Variants in AGXT2 observed in about 807,000 individuals in gnomAD.
The protein encoded by AGXT2 is alanine--glyoxylate aminotransferase 2, mitochondrial.
In AGXT2, 61 loss-of-function variants were observed where a neutral mutation model predicts 62.5. The observed-to-expected ratio is 0.98, with a 90% CI of 0.79 to 1.21. The LOEUF is 1.21. Ranked by LOEUF, AGXT2 falls within the 50% of genes most tolerant of loss-of-function variation. The pLI is 0.00. For synonymous variants in AGXT2, 243 were observed against 218.7 expected (o/e 1.11, Z -0.98); for missense variants, 666 against 641.5 (o/e 1.04, Z -0.41).
intron 9 of AGXT2, among the ~76,000 whole-genome samples, chr5:35,023,208 T>C (rs1054392006): frequency 1.3e-5 from 2 of 151,810 alleles, no homozygotes; most frequent in Non-Finnish European, 2.9e-5. Flanking sequence ...GAAAAACCTC[T>C]TTTTCTTTAT....
chr5:35,018,800 C>A (rs1766951102), intron 9 of AGXT2, among the ~76,000 whole-genome samples: 2 of 141,306 alleles, frequency 1.4e-5, no homozygotes, highest in Admixed American at 1.4e-4. Context: ...AGAGTCAAGA[C>A]CCATCAGTGT....
chr5:35,034,858 G>A (rs1408569517), intron 5 of AGXT2, among the ~76,000 whole-genome samples: 1 of 152,110 alleles, frequency 6.6e-6, no homozygotes, highest in African/African-American at 2.4e-5. Flanking sequence ...TTTTGGTAGA[G>A]CCTTGATCTT....
intron 13 of AGXT2, 79 bp downstream of exon 13, chr5:35,003,684 T>C (rs779807339): frequency 1.5e-6 from 2 of 1,368,864 alleles, no homozygotes; most frequent in Non-Finnish European, 2.1e-6. Context: ...TTCACAGCTG[T>C]GAAGAAACTG....
At chr5:35,026,951 C>T in intron 7 of AGXT2, 2 of 984,668 alleles carry the variant, frequency 2.0e-6, no homozygotes, top group Non-Finnish European at 2.4e-6. Context: ...CGTTTTAAAG[C>T]TACAAAGTGT....
At chr5:35,032,378 A>G (rs917563116) in intron 7 of AGXT2, among the ~76,000 whole-genome samples, 1 of 152,152 alleles carries the variant, frequency 6.6e-6, no homozygotes, top group Non-Finnish European at 1.5e-5. Flanking sequence ...CAGGCATGCC[A>G]CCACGCCCAG....
chr5:35,002,787 A>G (rs1580566300), intron 13 of AGXT2, among the ~76,000 whole-genome samples: 1 of 145,126 alleles, frequency 6.9e-6, no homozygotes, highest in African/African-American at 2.6e-5. Flanking sequence ...GGGGGGGGGG[A>G]CTAACACGGG....
chr5:35,031,196 A>G (rs929194942), intron 7 of AGXT2, among the ~76,000 whole-genome samples: 1 of 152,212 alleles, frequency 6.6e-6, no homozygotes, highest in Non-Finnish European at 1.5e-5. Flanking sequence ...TGGAGTCAGA[A>G]GACCTGGGGT....
chr5:35,035,881 A>G (rs1195590730), intron 4 of AGXT2, among the ~76,000 whole-genome samples: 14 of 152,178 alleles, frequency 9.2e-5, no homozygotes, highest in African/African-American at 3.4e-4. Context: ...GTTTGAGATC[A>G]GCCTGGCCAT....
intron 10 of AGXT2, among the ~76,000 whole-genome samples, chr5:35,013,331 G>C (rs1028069979): frequency 6.6e-6 from 1 of 152,160 alleles, no homozygotes; most frequent in Non-Finnish European, 1.5e-5. Flanking sequence ...CCAAGGAACT[G>C]GTTTTCTTAT....
intron 1 of AGXT2, among the ~76,000 whole-genome samples, chr5:35,041,572 G>A (rs545871507): frequency 3.2e-4 from 48 of 152,264 alleles, no homozygotes; most frequent in African/African-American, 1.2e-3. Flanking sequence ...AGAGCTGGAA[G>A]AGTTGTCTAG....
At position 35,005,217 on chromosome 5, in the gene AGXT2, T is replaced by G. The variant is rs183046288; in HGVS notation, c.1339-1356A>C. 2.5e-4 allele frequency among the ~76,000 whole-genome samples: 38 copies of G among 152,008 alleles called. No homozygotes were observed. The East Asian group carries it at 4.8e-3, about 19-fold the overall frequency. ...AGGTTGGGTTGGGGGGGTCAGTTCTTTTGTTGTTGTTGTTGTTGTTTTGTT... is the reference window on the plus strand; with the variant it reads ...AGGTTGGGTTGGGGGGGTCAGTTCTGTTGTTGTTGTTGTTGTTGTTTTGTT... On this transcript the variant is annotated intron_variant, in intron 12 of 13. Transcript: ENST00000231420.
chr5:35,012,722 T>C (rs930134155), intron 11 of AGXT2: 1 of 518,606 alleles, frequency 1.9e-6, no homozygotes, highest in Non-Finnish European at 3.5e-6. Context: ...ATATTTCCCA[T>C]GTATGTGAGG....
intron 7 of AGXT2, among the ~76,000 whole-genome samples, chr5:35,031,974 A>T (rs528473757): frequency 1.7e-5 from 2 of 115,124 alleles, no homozygotes; most frequent in East Asian, 3.2e-4. Flanking sequence ...TTTTTTTGAG[A>T]TGGAGTCTTG....
At chr5:35,033,024 G>A (rs1767630658) in intron 6 of AGXT2, 199 bp from the exon 7 acceptor site, 1 of 586,024 alleles carries the variant, frequency 1.7e-6, no homozygotes, top group Non-Finnish European at 3.1e-6. Flanking sequence ...CCTCTACAAA[G>A]GAAACTGATT....
chr5:35,029,818 C>A (rs1458716675), intron 7 of AGXT2, among the ~76,000 whole-genome samples: 3 of 152,060 alleles, frequency 2.0e-5, no homozygotes, highest in Non-Finnish European at 4.4e-5. Context: ...CTGGAATGAA[C>A]CCCTGGGGAA....
At chr5:34,999,101 C>T (rs899932888) in intron 13 of AGXT2, among the ~76,000 whole-genome samples, 2 of 152,158 alleles carry the variant, frequency 1.3e-5, no homozygotes, top group South Asian at 2.1e-4. Flanking sequence ...TTAGGCCCCT[C>T]GCTATACTCC....
intron 13 of AGXT2, among the ~76,000 whole-genome samples, chr5:35,001,164 T>C (rs1247447819): frequency 6.6e-6 from 1 of 152,158 alleles, no homozygotes; most frequent in Non-Finnish European, 1.5e-5. Context: ...TATCAGGAGG[T>C]AACCCCACTA....
chr5:35,002,106 G>C (rs1026037130), intron 13 of AGXT2, among the ~76,000 whole-genome samples: 3 of 152,112 alleles, frequency 2.0e-5, no homozygotes, highest in Admixed American at 1.3e-4. Flanking sequence ...AGCTAAGCAA[G>C]TACACAAGTA....
chr5:35,028,812 G>A (rs942686213), intron 7 of AGXT2, among the ~76,000 whole-genome samples: 1 of 152,174 alleles, frequency 6.6e-6, no homozygotes, highest in Non-Finnish European at 1.5e-5. Context: ...GCCTCAACCC[G>A]AGTGACAGTG....
Sources: gnomAD v4.1 joint callset for allele counts (sites outside exome capture counted in the v4.1 genomes callset) on GRCh38, gnomAD v4.1.1 for gene constraint, MANE v1.5 for transcripts, NCBI Gene and HGNC (gene_info 2026-07-23, HGNC 2026-07-21) for gene names.